KCNIP4: variants seen among roughly 807,000 people sequenced by gnomAD.
KCNIP4 encodes Kv channel-interacting protein 4.
KCNIP4 carries 12 observed loss-of-function variants against 34.0 expected under a neutral mutation model. The ratio of observed to expected loss-of-function variants is 0.35; its 90% CI spans 0.23 to 0.57. KCNIP4 has a LOEUF of 0.57. Ranked by LOEUF, KCNIP4 falls within the 20% of genes least tolerant of loss-of-function variation. The pLI is 0.83. For synonymous variants in KCNIP4, 124 were observed against 102.2 expected (o/e 1.21, Z -1.29); for missense variants, 238 against 311.7 (o/e 0.76, Z 1.78).
chr4:21,391,098 A>AT (rs1370815495), intron 1 of KCNIP4, among the ~76,000 whole-genome samples: 1 of 152,086 alleles, frequency 6.6e-6, no homozygotes, highest in African/African-American at 2.4e-5. Flanking sequence ...GCTTATTGGC[A>AT]TTTTTATATC....
At chr4:21,319,337 T>C (rs1175832821) in intron 1 of KCNIP4, among the ~76,000 whole-genome samples, 1 of 152,236 alleles carries the variant, frequency 6.6e-6, no homozygotes, top group African/African-American at 2.4e-5. Context: ...ACACATGCTA[T>C]ACACAGAGTG....
chr4:21,277,660 T>G (rs1254852157), intron 1 of KCNIP4, among the ~76,000 whole-genome samples: 1 of 152,150 alleles, frequency 6.6e-6, no homozygotes, highest in African/African-American at 2.4e-5. Flanking sequence ...ATTAGAAAAT[T>G]GCAATAGCAA....
At chr4:20,844,906 A>AAT (rs1720181698) in intron 3 of KCNIP4, among the ~76,000 whole-genome samples, 1 of 152,120 alleles carries the variant, frequency 6.6e-6, no homozygotes, top group Non-Finnish European at 1.5e-5. Flanking sequence ...ACAAAAAAAA[A>AAT]GTATGCTTCT....
At chr4:21,241,995 C>T (rs1454856441) in intron 1 of KCNIP4, among the ~76,000 whole-genome samples, 1 of 151,694 alleles carries the variant, frequency 6.6e-6, no homozygotes, top group Non-Finnish European at 1.5e-5. Context: ...AAACCTGTCT[C>T]TACTAAAAAT....
At chr4:21,117,700 T>C (rs1187217886) in intron 1 of KCNIP4, among the ~76,000 whole-genome samples, 1 of 152,106 alleles carries the variant, frequency 6.6e-6, no homozygotes, top group Non-Finnish European at 1.5e-5. Context: ...AAACTGAAGC[T>C]GTTTGAATGG....
At chr4:21,353,584 G>C (rs1014239158) in intron 1 of KCNIP4, among the ~76,000 whole-genome samples, 1 of 152,106 alleles carries the variant, frequency 6.6e-6, no homozygotes, top group Non-Finnish European at 1.5e-5. Context: ...AAAGCAAGAA[G>C]ACAAGATTAG....
At chr4:21,609,331 T>A (rs1315008684) in intron 1 of KCNIP4, among the ~76,000 whole-genome samples, 1 of 152,118 alleles carries the variant, frequency 6.6e-6, no homozygotes, top group East Asian at 1.9e-4. Context: ...TATAGGAAAA[T>A]AAATTGAAGG....
rs58548088 is a variant in KCNIP4 at position 21,098,016 on chromosome 4, T to A, written c.62-215307A>T. Reference sequence around the variant, plus strand: ...CACCAATGATAAGAAACTGAAACAATCTTATTGCTGATATAAAGGAAGTTT... The same window carrying A: ...CACCAATGATAAGAAACTGAAACAAACTTATTGCTGATATAAAGGAAGTTT... On this transcript the variant is annotated intron_variant, in intron 1 of 8. Coordinates refer to ENST00000382152, the MANE Select transcript of KCNIP4 (RefSeq NM_025221.6). Among the ~76,000 whole-genome samples the A allele has an allele frequency of 3.3e-3, 497 of 152,124 alleles. 2 individuals carry two copies. Among genetic ancestry groups the A allele is most frequent in the African/African-American group, 0.011 (452 of 41,524 alleles).
intron 1 of KCNIP4, among the ~76,000 whole-genome samples, chr4:21,008,153 C>A (rs1738734873): frequency 6.6e-6 from 1 of 152,198 alleles, no homozygotes; most frequent in South Asian, 2.1e-4. Context: ...TTTTTTCCAG[C>A]TCAAAAACAA....
chr4:21,805,770 TC>T (rs1395088597), intron 1 of KCNIP4, among the ~76,000 whole-genome samples: 1 of 152,122 alleles, frequency 6.6e-6, no homozygotes, highest in Non-Finnish European at 1.5e-5. Flanking sequence ...GCTACACCCT[TC>T]CTGAGCCCTG....
rs558249947 is a variant in KCNIP4, at chr4:21,409,920, G to T, written c.62-527211C>A. On this transcript the variant is annotated intron_variant, in intron 1 of 8. Coordinates refer to ENST00000382152, the MANE Select transcript of KCNIP4 (RefSeq NM_025221.6). ...AGAGGAAGAGTCTCTGTAAAGCCAT[G>T]GAAGCAGCATGAAAAACAATGAGCA... 1.8e-4 allele frequency among the ~76,000 whole-genome samples: 27 copies of T among 152,248 alleles called. No homozygotes were observed. In the South Asian group the frequency reaches 5.2e-3, roughly 29 times the overall value.
chr4:21,379,499 G>A lies in KCNIP4; in HGVS notation c.62-496790C>T, dbSNP rs1721281591. Among the ~76,000 whole-genome samples, 5 of 152,210 alleles carry A rather than the reference G, an allele frequency of 3.3e-5. 1 individual carries two copies. The South Asian group carries it at 8.3e-4, about 25-fold the overall frequency. On this transcript the variant is annotated intron_variant, in intron 1 of 8. Coordinates refer to ENST00000382152, the MANE Select transcript of KCNIP4 (RefSeq NM_025221.6). ...TTCACTCAACACTTCCAACAATGCT[G>A]CATTTAAGTTTTACTACTAGGTGGG...
At chr4:21,508,314 T>C (rs1416886086) in intron 1 of KCNIP4, among the ~76,000 whole-genome samples, 2 of 152,220 alleles carry the variant, frequency 1.3e-5, no homozygotes, top group African/African-American at 4.8e-5. Context: ...CTTCAGTTAC[T>C]TGACTGTGTT....
chr4:20,752,525 G>GT (rs1160063338), intron 4 of KCNIP4: 1 of 152,118 alleles, frequency 6.6e-6, no homozygotes, highest in East Asian at 1.9e-4. Context: ...TTTTACAAAC[G>GT]TAACATCTTT....
intron 1 of KCNIP4, among the ~76,000 whole-genome samples, chr4:21,391,104 A>G (rs1560359394): frequency 6.6e-6 from 1 of 152,048 alleles, no homozygotes; most frequent in Non-Finnish European, 1.5e-5. Flanking sequence ...TGGCATTTTT[A>G]TATCTTCCTT....
intron 1 of KCNIP4, among the ~76,000 whole-genome samples, chr4:20,974,984 G>A (rs1317992661): frequency 1.3e-5 from 2 of 152,168 alleles, no homozygotes; most frequent in Non-Finnish European, 2.9e-5. Context: ...GTGCTAAGGA[G>A]AATTTTAACA....
chr4:21,328,790 C>T (rs981751575), intron 1 of KCNIP4, among the ~76,000 whole-genome samples: 1 of 152,210 alleles, frequency 6.6e-6, no homozygotes, highest in African/African-American at 2.4e-5. Flanking sequence ...GGCACTCAAG[C>T]CACAAAACAA....
At chr4:21,723,296 C>T (rs1338675935) in intron 1 of KCNIP4, among the ~76,000 whole-genome samples, 1 of 152,188 alleles carries the variant, frequency 6.6e-6, no homozygotes, top group South Asian at 2.1e-4. Context: ...TGGACAGGGT[C>T]CCCAGGACCC....
At chr4:21,868,651 T>C (rs543093607) in intron 1 of KCNIP4, among the ~76,000 whole-genome samples, 98 of 152,324 alleles carry the variant, frequency 6.4e-4, no homozygotes, top group African/African-American at 2.3e-3. Context: ...TCTAATTCTA[T>C]TTCCTCAAGG....
Sources: allele counts gnomAD v4.1 joint callset (sites outside exome capture counted in the v4.1 genomes callset), GRCh38; gene constraint gnomAD v4.1.1; transcripts MANE v1.5; gene names NCBI Gene and HGNC (gene_info 2026-07-23, HGNC 2026-07-21).